Variants in LYPD6B observed in about 807,000 individuals in gnomAD.
LYPD6B encodes the protein LY6/PLAUR domain containing 6B.
A neutral mutation model predicts 22.8 loss-of-function variants in LYPD6B; 17 were observed. That is an observed-to-expected ratio of 0.75 (90% CI 0.51 to 1.12). The LOEUF is 1.12. Ranked by LOEUF, LYPD6B falls within the 50% of genes most tolerant of loss-of-function variation. The probability of loss-of-function intolerance (pLI) is 0.00; values close to 1 mark genes in which losing one functional copy is unlikely to be tolerated. For missense variants in LYPD6B, 221 were observed against 258.3 expected, an observed-to-expected ratio of 0.86 and a Z score of 0.99; for synonymous variants, 106 against 91.6, an observed-to-expected ratio of 1.16 and a Z score of -0.90.
At chr2:149,050,896 T>C (rs1317866564) in intron 1 of LYPD6B, among the ~76,000 whole-genome samples, 1 of 152,140 alleles carries the variant, frequency 6.6e-6, no homozygotes, top group African/African-American at 2.4e-5. Context: ...ATAACTTTTT[T>C]CTTATTACAA....
chr2:149,157,995 A>G (rs1689814800), intron 2 of LYPD6B, among the ~76,000 whole-genome samples: 1 of 152,192 alleles, frequency 6.6e-6, no homozygotes, highest in South Asian at 2.1e-4. Flanking sequence ...TACACGTAGC[A>G]GGGGATATTG....
At chr2:149,175,061 C>CTCTCTCTCTCTCTCTCTCTGTGTG (rs1454802925) in intron 3 of LYPD6B, among the ~76,000 whole-genome samples, 2 of 113,080 alleles carry the variant, frequency 1.8e-5, no homozygotes, top group East Asian at 5.8e-4. Context: ...CTCTCTCTCT[C>CTCTCTCTCTCTCTCTCTCTGTGTG]TGTGTGTGTG....
intron 1 of LYPD6B, among the ~76,000 whole-genome samples, chr2:149,046,176 T>C (rs1039774251): frequency 6.6e-6 from 1 of 152,224 alleles, no homozygotes; most frequent in Non-Finnish European, 1.5e-5. Flanking sequence ...TTCCTTTTTC[T>C]GTAGTCTGCT....
intron 1 of LYPD6B, chr2:149,068,924 G>T: frequency 3.8e-6 from 1 of 261,766 alleles, no homozygotes. Context: ...GGCTGATGGG[G>T]TCTTCTAAGA....
chr2:149,154,704 G>A (rs1559037426), intron 2 of LYPD6B, among the ~76,000 whole-genome samples: 1 of 152,062 alleles, frequency 6.6e-6, no homozygotes, highest in Non-Finnish European at 1.5e-5. Flanking sequence ...TGTGGGGAGA[G>A]TGGCGGAGTG....
chr2:149,212,604 C>T (rs1693944891), intron 5 of LYPD6B, among the ~76,000 whole-genome samples: 1 of 151,872 alleles, frequency 6.6e-6, no homozygotes, highest in African/African-American at 2.4e-5. Context: ...TGCGTTTTAC[C>T]ATCACAATTT....
intron 2 of LYPD6B, among the ~76,000 whole-genome samples, chr2:149,135,403 T>A (rs567190815): frequency 6.6e-6 from 1 of 152,204 alleles, no homozygotes; most frequent in East Asian, 1.9e-4. Flanking sequence ...CATATTTAAA[T>A]ATGTGTATGT....
intron 1 of LYPD6B, among the ~76,000 whole-genome samples, chr2:149,114,801 T>A (rs879570015): frequency 2.6e-5 from 4 of 152,222 alleles, no homozygotes; most frequent in Non-Finnish European, 4.4e-5. Flanking sequence ...TCATGTAATA[T>A]TCTATTATGT....
chr2:149,071,987 A>G (rs1684625319), intron 1 of LYPD6B, among the ~76,000 whole-genome samples: 1 of 152,100 alleles, frequency 6.6e-6, no homozygotes. Flanking sequence ...GCTGGACTAC[A>G]GTGGCGCAAT....
intron 1 of LYPD6B, among the ~76,000 whole-genome samples, chr2:149,107,446 G>C (rs567965622): frequency 6.6e-6 from 1 of 152,300 alleles, no homozygotes; most frequent in South Asian, 2.1e-4. Context: ...TTGACCACGA[G>C]TAACTGAAAC....
chr2:149,043,992 C>T (rs978396417), intron 1 of LYPD6B, among the ~76,000 whole-genome samples: 3 of 152,016 alleles, frequency 2.0e-5, no homozygotes, highest in Non-Finnish European at 4.4e-5. Context: ...GATCTGTATG[C>T]TTACTTCATG....
intron 2 of LYPD6B, chr2:149,160,559 C>T (rs1689990880): frequency 3.0e-6 from 2 of 664,714 alleles, no homozygotes; most frequent in Non-Finnish European, 5.6e-6. Context: ...AGCTCACACT[C>T]TCTGTAATGT....
At chr2:149,068,093 C>G (rs1684426518) in intron 1 of LYPD6B, among the ~76,000 whole-genome samples, 1 of 152,152 alleles carries the variant, frequency 6.6e-6, no homozygotes, top group Non-Finnish European at 1.5e-5. Flanking sequence ...GCCCAAATCT[C>G]TGCTTTTTTA....
chr2:149,172,902 T>G (rs964659547), intron 3 of LYPD6B, among the ~76,000 whole-genome samples: 15 of 152,054 alleles, frequency 9.9e-5, no homozygotes, highest in African/African-American at 3.6e-4. Context: ...GCTCTCCAGG[T>G]CTTCAAACTA....
chr2:149,071,052 T>G (rs1049537296), intron 1 of LYPD6B, among the ~76,000 whole-genome samples: 1 of 152,088 alleles, frequency 6.6e-6, no homozygotes, highest in African/African-American at 2.4e-5. Flanking sequence ...GACTGATAGG[T>G]GAGGGGCTAG....
intron 1 of LYPD6B, chr2:149,068,854 G>T (rs560905332): frequency 1.4e-5 from 5 of 363,610 alleles, no homozygotes; most frequent in African/African-American, 8.5e-5. Flanking sequence ...CAGGTTTATC[G>T]CCTGCAGCCT....
chr2:149,057,767 G>A (rs573222241), intron 1 of LYPD6B, among the ~76,000 whole-genome samples: 11 of 152,166 alleles, frequency 7.2e-5, no homozygotes, highest in Non-Finnish European at 1.3e-4. Context: ...AAAGGGGGTG[G>A]AAAGGGGATC....
At chr2:149,167,897 T>G (rs957299854) in intron 3 of LYPD6B, among the ~76,000 whole-genome samples, 1 of 152,060 alleles carries the variant, frequency 6.6e-6, no homozygotes, top group African/African-American at 2.4e-5. Flanking sequence ...TTTTTTATGT[T>G]TTTTGTTTTT....
chr2:149,073,674 G>C (rs539761414), intron 1 of LYPD6B, among the ~76,000 whole-genome samples: 1 of 152,166 alleles, frequency 6.6e-6, no homozygotes, highest in East Asian at 1.9e-4. Context: ...TTGGATGACA[G>C]ACTTGGGGAC....
Sources: gnomAD v4.1 joint callset for allele counts (sites outside exome capture counted in the v4.1 genomes callset) on GRCh38, gnomAD v4.1.1 for gene constraint, MANE v1.5 for transcripts, NCBI Gene and HGNC (gene_info 2026-07-23, HGNC 2026-07-21) for gene names.